Variants in PRIMPOL observed in about 807,000 individuals in gnomAD.
PRIMPOL encodes the protein DNA-directed primase/polymerase protein.
Under a neutral mutation model 63.6 loss-of-function variants are expected in PRIMPOL, and 54 were observed. The ratio of observed to expected loss-of-function variants is 0.85; its 90% CI spans 0.68 to 1.07. The LOEUF (loss-of-function observed/expected upper bound fraction) is 1.07, where lower values mean the gene tolerates loss of function less well. Among genes scored for constraint, PRIMPOL ranks in the 50% least tolerant of loss-of-function variants. The probability of loss-of-function intolerance (pLI) is 0.00; values close to 1 mark genes in which losing one functional copy is unlikely to be tolerated. For synonymous variants in PRIMPOL, 197 were observed against 220.2 expected, an observed-to-expected ratio of 0.89 and a Z score of 0.93; for missense variants, 610 against 648.3, an observed-to-expected ratio of 0.94 and a Z score of 0.64.
At chr4:184,662,973 A>T (rs143000088) in intron 5 of PRIMPOL, among the ~76,000 whole-genome samples, 1 of 150,048 alleles carries the variant, frequency 6.7e-6, no homozygotes, top group African/African-American at 2.4e-5. Context: ...ATAAATTTAG[A>T]TGCTTATTTC....
chr4:184,678,628 T>C (rs1030454538), intron 8 of PRIMPOL, among the ~76,000 whole-genome samples: 51 of 150,930 alleles, frequency 3.4e-4, no homozygotes, highest in African/African-American at 1.2e-3. Flanking sequence ...CCCGGGTTCA[T>C]GCCATTCTCC....
intron 9 of PRIMPOL, among the ~76,000 whole-genome samples, chr4:184,683,626 G>T (rs2696051): frequency 0.75 from 114,153 of 152,006 alleles, 43,468 homozygotes; most frequent in African/African-American, 0.8. Flanking sequence ...CCTATATATA[G>T]AGAGAGATCT....
chr4:184,651,348 G>A (rs1262822786), intron 1 of PRIMPOL, among the ~76,000 whole-genome samples: 1 of 152,034 alleles, frequency 6.6e-6, no homozygotes, highest in Non-Finnish European at 1.5e-5. Flanking sequence ...ACAGTCACAG[G>A]AGTTAAACTC....
rs755563055 is a variant in PRIMPOL at position 184,657,334 on chromosome 4, C to T, written c.180+14C>T. 1.3e-6 allele frequency: 2 copies of T among 1,579,620 alleles called. No homozygotes were observed. The highest frequency in any genetic ancestry group is 2.3e-5 in the South Asian group (2 of 86,984). On this transcript the variant is annotated intron_variant, in intron 3 of 13. Coordinates refer to ENST00000314970, the MANE Select transcript of PRIMPOL (RefSeq NM_152683.4). ...AGCTGTAAAGAAGTAATTTCCTCCT[C>T]CTCCTCTTCTTCTTCCTCCTCTTCC...
intron 2 of PRIMPOL, among the ~76,000 whole-genome samples, chr4:184,654,715 G>C (rs1246663325): frequency 6.6e-6 from 1 of 152,116 alleles, no homozygotes; most frequent in African/African-American, 2.4e-5. Context: ...GCCTCCGAAA[G>C]TGCTGGGATT....
At position 184,678,267 on chromosome 4, in the gene PRIMPOL, A is replaced by G; in HGVS notation, c.880A>G (p.Lys294Glu). Residue 294 changes from lysine (K) to glutamate (E), a missense_variant, in exon 8 of 14, where the codon AAA (lysine) becomes GAA (glutamate). This residue lies in a region of PRIMPOL where 444 missense variants were observed against 456.4 expected (regional missense o/e 0.97). Coordinates refer to ENST00000314970, the MANE Select transcript of PRIMPOL (RefSeq NM_152683.4). ...AAGAAATAGAAACTTTCGGCTATATAAATCATCAAAAATTGGAAAGCGTGT... is the reference window on the plus strand; with the variant it reads ...AAGAAATAGAAACTTTCGGCTATATGAATCATCAAAAATTGGAAAGCGTGT... Reference protein sequence around the residue: ...YTRNRNFRLYKSSKIGKRVAL... With the variant: ...YTRNRNFRLYESSKIGKRVAL... The G allele has an allele frequency of 6.3e-7, 1 of 1,599,082 alleles. No individual in the cohort carries two copies. The highest frequency in any genetic ancestry group is 8.5e-7 in the Non-Finnish European group (1 of 1,174,796).
At position 184,657,328 on chromosome 4, in the gene PRIMPOL, C is replaced by CCTT. The variant is rs770667511; in HGVS notation, c.180+10_180+11insTCT. 3 of 1,581,798 alleles carry CCTT rather than the reference C, an allele frequency of 1.9e-6. No individual in the cohort carries two copies. Among genetic ancestry groups the CCTT allele is most frequent in the Non-Finnish European group, 1.7e-6 (2 of 1,159,848 alleles). ...GTTAAAAGCTGTAAAGAAGTAATTT[C>CCTT]CTCCTCCTCCTCTTCTTCTTCCTCC... On this transcript the variant is annotated intron_variant, in intron 3 of 13. Coordinates refer to ENST00000314970, the MANE Select transcript of PRIMPOL (RefSeq NM_152683.4).
intron 6 of PRIMPOL, among the ~76,000 whole-genome samples, chr4:184,671,496 G>T (rs1751614625): frequency 1.3e-5 from 2 of 151,926 alleles, no homozygotes; most frequent in South Asian, 4.2e-4. Flanking sequence ...CCTTCATTCT[G>T]TAATCATTGA....
At position 184,693,681 on chromosome 4, in the gene PRIMPOL, C is replaced by T. The variant is rs1263768485; in HGVS notation, c.1426-841C>T. ...GTACAAGAATAAGGAACTCTGCTGT[C>T]TGTCCTCTATTGAGATCTGCCATTT... On this transcript the variant is annotated intron_variant, in intron 13 of 13. Transcript: ENST00000314970. 2.6e-5 allele frequency among the ~76,000 whole-genome samples: 4 copies of T among 152,324 alleles called. No individual in the cohort carries two copies. The East Asian group carries it at 7.7e-4, about 29-fold the overall frequency.
intron 4 of PRIMPOL, among the ~76,000 whole-genome samples, chr4:184,661,500 A>T (rs578065631): frequency 1.3e-3 from 198 of 152,336 alleles, no homozygotes; most frequent in South Asian, 2.3e-3. Flanking sequence ...TGAAGCCAGG[A>T]GTTCAAGATC....
chr4:184,673,581 C>T (rs945841685), intron 7 of PRIMPOL, among the ~76,000 whole-genome samples: 1 of 151,794 alleles, frequency 6.6e-6, no homozygotes, highest in African/African-American at 2.4e-5. Context: ...TGCGCCACCA[C>T]GCCCAGCTAA....
At chr4:184,667,296 C>G (rs1476201787) in intron 6 of PRIMPOL, among the ~76,000 whole-genome samples, 2 of 147,760 alleles carry the variant, frequency 1.4e-5, no homozygotes, top group African/African-American at 2.5e-5. Context: ...GACTTAGAGG[C>G]ATGGAGAACA....
intron 1 of PRIMPOL, among the ~76,000 whole-genome samples, chr4:184,651,821 G>C (rs1235131746): frequency 6.6e-6 from 1 of 152,140 alleles, no homozygotes; most frequent in African/African-American, 2.4e-5. Flanking sequence ...GCTAATTTTT[G>C]TATTTTTAGT....
At position 184,659,658 on chromosome 4, in the gene PRIMPOL, G is replaced by A. The variant is rs577442170; in HGVS notation, c.278+221G>A. Among the ~76,000 whole-genome samples, 4 of 152,276 alleles carry A rather than the reference G, an allele frequency of 2.6e-5. No individual in the cohort carries two copies. The South Asian group carries it at 6.2e-4, about 24-fold the overall frequency. On this transcript the variant is annotated intron_variant, in intron 4 of 13. Transcript: ENST00000314970. ...ATCATGCACATACACGAATATATGCGTGTACTCAAAGGGAGTTTTGAAATT... is the reference window on the plus strand; with the variant it reads ...ATCATGCACATACACGAATATATGCATGTACTCAAAGGGAGTTTTGAAATT...
At chr4:184,673,357 C>T (rs1421964798) in intron 7 of PRIMPOL, among the ~76,000 whole-genome samples, 1 of 151,736 alleles carries the variant, frequency 6.6e-6, no homozygotes, top group Non-Finnish European at 1.5e-5. Flanking sequence ...TCTCGATCTC[C>T]TGACGTTGTC....
At chr4:184,654,607 C>T (rs191681882) in intron 2 of PRIMPOL, among the ~76,000 whole-genome samples, 19 of 152,108 alleles carry the variant, frequency 1.2e-4, no homozygotes, top group African/African-American at 4.1e-4. Flanking sequence ...CCCACCACCA[C>T]GCCCAGCTAA....
chr4:184,675,837 A>G (rs1175053178), intron 7 of PRIMPOL, among the ~76,000 whole-genome samples: 7 of 152,020 alleles, frequency 4.6e-5, no homozygotes, highest in African/African-American at 1.7e-4. Context: ...AAACAAACAA[A>G]CAAAAAAACT....
Position 184,657,074 on chromosome 4 carries a change from T to G in PRIMPOL, c.-59-8T>G, listed in dbSNP as rs1055765054. 1.6e-5 allele frequency: 19 copies of G among 1,194,716 alleles called. No homozygotes were observed. The highest frequency in any genetic ancestry group is 3.2e-5 in the African/African-American group (2 of 63,226). The allele number at this position is 1,194,716 out of a possible 1,614,324, so 74.0% of individuals were successfully genotyped here. On this transcript the variant is annotated splice_region_variant and splice_polypyrimidine_tract_variant and intron_variant, in intron 2 of 13. Transcript: ENST00000314970. ...ATTAATGGCCTTTTTGTTTGTTGTT[T>G]GTTTTAGTAGTAATTGATAGAAATA...
chr4:184,694,654 G>T lies in PRIMPOL; in HGVS notation c.1558G>T (p.Ala520Ser). 6.2e-7 allele frequency: 1 copy of T among 1,614,164 alleles called. No homozygotes were observed. The change falls in exon 14 of 14, where the codon GCT (alanine) becomes TCT (serine). Residue 520 changes from alanine to serine, a missense_variant. By Grantham distance (99) the Ala-to-Ser change is moderately conservative. Transcript: ENST00000314970. ...TGTCTGGGATAATGGCATTGATGAT[G>T]CTTATTTTTTAGAAGCTACTGAAGA... ...DAVWDNGIDD[A>S]YFLEATEDAE...
Sources: gnomAD v4.1 joint callset for allele counts (sites outside exome capture counted in the v4.1 genomes callset) on GRCh38, gnomAD v4.1.1 for gene constraint, gnomAD v4.1.1 regional missense constraint, MANE v1.5 for transcripts, NCBI Gene and HGNC (gene_info 2026-07-23, HGNC 2026-07-21) for gene names.